The following SPAG16 variants were observed in gnomAD, a reference collection of about 807,000 sequenced individuals.
SPAG16 encodes sperm associated antigen 16.
Under a neutral mutation model 80.4 loss-of-function variants are expected in SPAG16, and 86 were observed. That is an observed-to-expected ratio of 1.07 (90% CI 0.90 to 1.28). SPAG16 has a LOEUF of 1.28. Ranked by LOEUF, SPAG16 falls within the 50% of genes most tolerant of loss-of-function variation. The probability of loss-of-function intolerance (pLI) is 0.00; values close to 1 mark genes in which losing one functional copy is unlikely to be tolerated. For synonymous variants in SPAG16, 294 were observed against 265.9 expected, an observed-to-expected ratio of 1.11 and a Z score of -1.03; for missense variants, 870 against 765.3, an observed-to-expected ratio of 1.14 and a Z score of -1.61.
At chr2:213,712,830 AAGAT>A (rs1449386106) in intron 10 of SPAG16, among the ~76,000 whole-genome samples, 7 of 152,196 alleles carry the variant, frequency 4.6e-5, no homozygotes, top group Non-Finnish European at 1.0e-4. Context: ...AAAAGGTAAG[AAGAT>A]AGACAGCTTC....
intron 7 of SPAG16, among the ~76,000 whole-genome samples, chr2:213,357,176 T>G (rs1302195801): frequency 1.3e-5 from 2 of 152,096 alleles, no homozygotes; most frequent in East Asian, 3.9e-4. Context: ...TTACTTCCAA[T>G]TATATGGTCA....
Position 214,286,900 on chromosome 2 carries a change from A to G in SPAG16, c.1721-123240A>G, listed in dbSNP as rs116662899. On this transcript the variant is annotated intron_variant, in intron 15 of 15. Transcript: ENST00000331683. ...ATGATGGATCACTTCCATGAATCTCATCTTCCTCGTCTCTTAATTTGAATT... is the reference window on the plus strand; with the variant it reads ...ATGATGGATCACTTCCATGAATCTCGTCTTCCTCGTCTCTTAATTTGAATT... Among the ~76,000 whole-genome samples the G allele has an allele frequency of 3.1e-3, 479 of 152,266 alleles. 4 individuals are homozygous for G. The highest frequency in any genetic ancestry group is 0.011 in the African/African-American group (459 of 41,558).
intron 15 of SPAG16, among the ~76,000 whole-genome samples, chr2:214,304,573 T>A (rs1332294131): frequency 2.6e-5 from 4 of 152,090 alleles, no homozygotes; most frequent in African/African-American, 9.7e-5. Flanking sequence ...AATATGTGGG[T>A]AAATTTCTGT....
chr2:214,170,419 C>G (rs1010961588), intron 15 of SPAG16, among the ~76,000 whole-genome samples: 1 of 151,948 alleles, frequency 6.6e-6, no homozygotes, highest in Admixed American at 6.6e-5. Context: ...TGCAGACAAT[C>G]GGATAGATAC....
At chr2:213,305,262 A>T (rs1344379575) in intron 3 of SPAG16, among the ~76,000 whole-genome samples, 1 of 151,848 alleles carries the variant, frequency 6.6e-6, no homozygotes, top group Non-Finnish European at 1.5e-5. Context: ...CCTTTTGGTG[A>T]ATAGGTTTTT....
chr2:213,940,670 C>T (rs1035354047), intron 12 of SPAG16, among the ~76,000 whole-genome samples: 1 of 151,324 alleles, frequency 6.6e-6, no homozygotes, highest in African/African-American at 2.4e-5. Flanking sequence ...ACTTTACATA[C>T]ATAAATTAAT....
At chr2:213,721,578 T>C (rs1406853006) in intron 10 of SPAG16, among the ~76,000 whole-genome samples, 4 of 152,194 alleles carry the variant, frequency 2.6e-5, no homozygotes, top group Non-Finnish European at 5.9e-5. Context: ...TGATACCACT[T>C]TTCCTCTTTA....
In SPAG16 at chr2:214,059,590, G is replaced by T. The variant is rs1035733875; in HGVS notation, c.1527+45513G>T. On this transcript the variant is annotated intron_variant, in intron 13 of 15. Coordinates refer to ENST00000331683, the MANE Select transcript of SPAG16 (RefSeq NM_024532.5). ...TAATTTATGAATCACAATCATTATA[G>T]ATTTTCTGACTATATCCGTTTGATG... 1.1e-4 allele frequency among the ~76,000 whole-genome samples: 17 copies of T among 151,742 alleles called. 1 individual carries two copies. Among genetic ancestry groups the T allele is most frequent in the African/African-American group, 4.1e-4 (17 of 41,278 alleles).
chr2:213,471,029 C>T (rs2073049244), intron 9 of SPAG16, among the ~76,000 whole-genome samples: 1 of 152,244 alleles, frequency 6.6e-6, no homozygotes, highest in Non-Finnish European at 1.5e-5. Context: ...AGTGCACAAC[C>T]AGGTGCACTG....
At chr2:213,295,234 A>G (rs1051381283) in intron 1 of SPAG16, among the ~76,000 whole-genome samples, 6 of 152,134 alleles carry the variant, frequency 3.9e-5, no homozygotes, top group Non-Finnish European at 7.4e-5. Flanking sequence ...AAAAATGTAA[A>G]CCTAACAATA....
intron 5 of SPAG16, among the ~76,000 whole-genome samples, chr2:213,331,893 G>A (rs2064124333): frequency 6.6e-6 from 1 of 151,832 alleles, no homozygotes; most frequent in South Asian, 2.1e-4. Flanking sequence ...GTACTAAGAG[G>A]GGAATTTATA....
chr2:213,705,839 C>T (rs1353700615), intron 10 of SPAG16, among the ~76,000 whole-genome samples: 1 of 152,054 alleles, frequency 6.6e-6, no homozygotes, highest in Non-Finnish European at 1.5e-5. Flanking sequence ...ATTAAGCAAG[C>T]TCCCAATGAA....
intron 10 of SPAG16, among the ~76,000 whole-genome samples, chr2:213,543,676 C>A (rs2076525969): frequency 6.6e-6 from 1 of 151,988 alleles, no homozygotes; most frequent in African/African-American, 2.4e-5. Flanking sequence ...CTTGACCAAA[C>A]AGCTTTATTA....
At chr2:213,654,043 G>A (rs2063122421) in intron 10 of SPAG16, among the ~76,000 whole-genome samples, 1 of 152,118 alleles carries the variant, frequency 6.6e-6, no homozygotes, top group South Asian at 2.1e-4. Context: ...GAAATTGATA[G>A]ACTACAGAGT....
chr2:213,826,766 A>T (rs141438017), intron 10 of SPAG16, among the ~76,000 whole-genome samples: 61 of 152,080 alleles, frequency 4.0e-4, no homozygotes, highest in African/African-American at 1.2e-3. Context: ...TTTGTTCTAT[A>T]GTATGGATTA....
chr2:213,628,019 G>T lies in SPAG16; in HGVS notation c.1070+137929G>T, dbSNP rs79671212. ...TTTATTCTATTCAAAGAGAAAGTAA[G>T]ACATGAGCCTTAGCATTGCCTCACC... On this transcript the variant is annotated intron_variant, in intron 10 of 15. Transcript: ENST00000331683. 4.6e-5 allele frequency among the ~76,000 whole-genome samples: 7 copies of T among 152,280 alleles called. No individual in the cohort carries two copies. The East Asian group carries it at 1.4e-3, about 29-fold the overall frequency.
At chr2:213,668,359 C>T (rs1022302605) in intron 10 of SPAG16, among the ~76,000 whole-genome samples, 5 of 151,046 alleles carry the variant, frequency 3.3e-5, no homozygotes, top group Admixed American at 1.3e-4. Flanking sequence ...TTAGACATAA[C>T]AGGACACACA....
chr2:214,336,622 G>C (rs1254277172), intron 15 of SPAG16, among the ~76,000 whole-genome samples: 1 of 152,038 alleles, frequency 6.6e-6, no homozygotes, highest in Non-Finnish European at 1.5e-5. Flanking sequence ...GCTCATTAAA[G>C]ATGATATAAA....
chr2:214,363,561 T>C (rs932600715), intron 15 of SPAG16, among the ~76,000 whole-genome samples: 1 of 151,958 alleles, frequency 6.6e-6, no homozygotes, highest in Non-Finnish European at 1.5e-5. Flanking sequence ...CCTGTCAACC[T>C]AAAAAGAAAC....
Sources: allele counts gnomAD v4.1 joint callset (sites outside exome capture counted in the v4.1 genomes callset), GRCh38; gene constraint gnomAD v4.1.1; transcripts MANE v1.5; gene names NCBI Gene and HGNC (gene_info 2026-07-23, HGNC 2026-07-21).